Variants in PRR16 observed in about 807,000 individuals in gnomAD.
PRR16 encodes the protein proline rich 16, also known as protein Largen.
In PRR16, 6 loss-of-function variants were observed where a neutral mutation model predicts 18.2. The observed-to-expected ratio is 0.33, with a 90% CI of 0.18 to 0.65. The LOEUF (loss-of-function observed/expected upper bound fraction) is 0.65, where lower values mean the gene tolerates loss of function less well. Among genes scored for constraint, PRR16 ranks in the 30% least tolerant of loss-of-function variants. The probability of loss-of-function intolerance (pLI) is 0.74; values close to 1 mark genes in which losing one functional copy is unlikely to be tolerated. For missense variants in PRR16, 412 were observed against 376.6 expected, an observed-to-expected ratio of 1.09 and a Z score of -0.78; for synonymous variants, 151 against 147.8, an observed-to-expected ratio of 1.02 and a Z score of -0.16.
intron 1 of PRR16, among the ~76,000 whole-genome samples, chr5:120,485,805 C>T (rs1024742738): frequency 2.0e-5 from 3 of 152,142 alleles, no homozygotes; most frequent in African/African-American, 4.8e-5. Flanking sequence ...CTGCCTCCCC[C>T]GACCCCACAA....
chr5:120,763,898 T>A, the PRR16 span, among the ~76,000 whole-genome samples: 6,749 of 152,182 alleles, frequency 0.044, 516 homozygotes, highest in African/African-American at 0.15. Context: ...TGATTGTTTA[T>A]ATTGATTTTG....
chr5:120,523,382 T>A (rs1001000759), intron 1 of PRR16, among the ~76,000 whole-genome samples: 1 of 152,172 alleles, frequency 6.6e-6, no homozygotes, highest in African/African-American at 2.4e-5. Flanking sequence ...ACATCATCAT[T>A]ATTATTATTT....
At chr5:120,618,435 T>G in intron 1 of PRR16, 1 of 956,888 alleles carries the variant, frequency 1.0e-6, no homozygotes, top group South Asian at 4.8e-5. Context: ...ATACTGTTTT[T>G]TAACAGTTTG....
chr5:120,562,538 T>C (rs1752609423), intron 1 of PRR16, among the ~76,000 whole-genome samples: 1 of 152,176 alleles, frequency 6.6e-6, no homozygotes, highest in South Asian at 2.1e-4. Context: ...CTGATTGTTT[T>C]GTAGTCTTCT....
intron 1 of PRR16, among the ~76,000 whole-genome samples, chr5:120,625,320 A>G (rs1179659550): frequency 1.3e-5 from 2 of 152,068 alleles, no homozygotes; most frequent in Non-Finnish European, 1.5e-5. Flanking sequence ...AGATGGGAAA[A>G]TAAATTTTTA....
At chr5:120,757,566 G>T in the PRR16 span, among the ~76,000 whole-genome samples, 1 of 151,164 alleles carries the variant, frequency 6.6e-6, no homozygotes, top group Admixed American at 6.6e-5. Context: ...AAAATAATGT[G>T]GTGTTTGAAA....
chr5:120,690,868 G>A (rs543462355), downstream of PRR16, among the ~76,000 whole-genome samples: 7 of 150,742 alleles, frequency 4.6e-5, no homozygotes, highest in East Asian at 9.7e-4. Context: ...ATCTACTGGG[G>A]AAAAAAAAAC....
intron 1 of PRR16, among the ~76,000 whole-genome samples, chr5:120,595,554 G>A (rs1753772840): frequency 6.6e-6 from 1 of 151,794 alleles, no homozygotes; most frequent in African/African-American, 2.4e-5. Flanking sequence ...TTATGAGGGA[G>A]AAGATTAGTA....
At chr5:120,558,839 C>T (rs1047321276) in intron 1 of PRR16, among the ~76,000 whole-genome samples, 1 of 151,684 alleles carries the variant, frequency 6.6e-6, no homozygotes, top group African/African-American at 2.4e-5. Context: ...AAAACCATTT[C>T]AACTAGAGAG....
At chr5:120,593,313 G>A (rs1345365424) in intron 1 of PRR16, among the ~76,000 whole-genome samples, 4 of 151,936 alleles carry the variant, frequency 2.6e-5, no homozygotes, top group African/African-American at 9.7e-5. Context: ...AAATGGCAAA[G>A]GGAACGTTAC....
chr5:120,765,869 T>TTA, the PRR16 span, among the ~76,000 whole-genome samples: 1 of 152,022 alleles, frequency 6.6e-6, no homozygotes, highest in Admixed American at 6.6e-5. Context: ...TCATAGCCTT[T>TTA]TATAACTAAC....
the PRR16 span, among the ~76,000 whole-genome samples, chr5:120,716,152 G>T: frequency 3.8e-4 from 58 of 152,186 alleles, no homozygotes; most frequent in Non-Finnish European, 7.6e-4. Context: ...CCACATCTTT[G>T]CTACAGTTAC....
intron 1 of PRR16, among the ~76,000 whole-genome samples, chr5:120,493,495 A>T (rs1398855942): frequency 6.6e-6 from 1 of 152,054 alleles, no homozygotes; most frequent in Non-Finnish European, 1.5e-5. Flanking sequence ...GTAGATTCTC[A>T]TGCAGTTATA....
chr5:120,661,430 T>C (rs951204438), intron 1 of PRR16, among the ~76,000 whole-genome samples: 1 of 152,086 alleles, frequency 6.6e-6, no homozygotes, highest in African/African-American at 2.4e-5. Context: ...ACAGATTTTA[T>C]TGGAACACGT....
chr5:120,513,386 C>T (rs1298033708), intron 1 of PRR16, among the ~76,000 whole-genome samples: 1 of 152,170 alleles, frequency 6.6e-6, no homozygotes, highest in African/African-American at 2.4e-5. Flanking sequence ...ACGGACTTCT[C>T]CTGATGGTAA....
At chr5:120,757,771 A>T in the PRR16 span, among the ~76,000 whole-genome samples, 6 of 152,000 alleles carry the variant, frequency 3.9e-5, no homozygotes, top group Admixed American at 3.3e-4. Flanking sequence ...GGCAAATATA[A>T]ATCTCTTACT....
At chr5:120,647,667 T>C (rs573759421) in intron 1 of PRR16, among the ~76,000 whole-genome samples, 20 of 152,216 alleles carry the variant, frequency 1.3e-4, no homozygotes, top group African/African-American at 4.8e-4. Flanking sequence ...CTTTAAAACC[T>C]GTAATTGCTT....
chr5:120,701,659 A>G, the PRR16 span, among the ~76,000 whole-genome samples: 3 of 152,026 alleles, frequency 2.0e-5, no homozygotes, highest in East Asian at 1.9e-4. Flanking sequence ...CTGGAGAGGA[A>G]AGGAGAGGTC....
chr5:120,556,756 C>G (rs189339105), intron 1 of PRR16, among the ~76,000 whole-genome samples: 318 of 152,044 alleles, frequency 2.1e-3, no homozygotes, highest in Non-Finnish European at 4.0e-3. Context: ...ATCTTGGAAA[C>G]TGGAGAACTG....
Sources: allele counts gnomAD v4.1 joint callset (sites outside exome capture counted in the v4.1 genomes callset), GRCh38; gene constraint gnomAD v4.1.1; transcripts MANE v1.5; gene names NCBI Gene and HGNC (gene_info 2026-07-23, HGNC 2026-07-21).